The following PTPRQ variants were observed in gnomAD, a reference collection of about 807,000 sequenced individuals.
PTPRQ encodes the protein phosphatidylinositol phosphatase PTPRQ.
PTPRQ carries 199 observed loss-of-function variants against 246.0 expected under a neutral mutation model. That is an observed-to-expected ratio of 0.81 (90% CI 0.72 to 0.91). PTPRQ has a LOEUF of 0.91. Among genes scored for constraint, PTPRQ ranks in the 40% least tolerant of loss-of-function variants. The probability of loss-of-function intolerance (pLI) is 0.00; values close to 1 mark genes in which losing one functional copy is unlikely to be tolerated. For missense variants in PTPRQ, 2,624 were observed against 2,528.4 expected, an observed-to-expected ratio of 1.04 and a Z score of -0.81; for synonymous variants, 869 against 853.2, an observed-to-expected ratio of 1.02 and a Z score of -0.32.
At chr12:80,630,471 C>T (rs1300859032) in intron 33 of PTPRQ, among the ~76,000 whole-genome samples, 1 of 152,104 alleles carries the variant, frequency 6.6e-6, no homozygotes, top group African/African-American at 2.4e-5. Flanking sequence ...TACCTTCCAT[C>T]AGGAAGTGTA....
intron 17 of PTPRQ, among the ~76,000 whole-genome samples, chr12:80,522,576 C>T (rs1198959856): frequency 2.6e-5 from 4 of 151,996 alleles, no homozygotes; most frequent in Non-Finnish European, 5.9e-5. Context: ...ACGTGAAGGG[C>T]TGTTGAATTT....
chr12:80,452,197 G>T (rs569874525), intron 3 of PTPRQ, among the ~76,000 whole-genome samples: 4,964 of 142,894 alleles, frequency 0.035, 305 homozygotes, highest in African/African-American at 0.13. Context: ...CCCTGCCTTT[G>T]TTTGTTTTCC....
Position 80,500,951 on chromosome 12 carries a change from G to A in PTPRQ, c.2272+4420G>A, listed in dbSNP as rs146786585. 6.8e-4 allele frequency among the ~76,000 whole-genome samples: 104 copies of A among 152,066 alleles called. No homozygotes were observed. In the East Asian group the frequency reaches 0.016, roughly 23 times the overall value. Reference sequence around the variant, plus strand: ...GAGTAGTGAGTGGGCTATTTGAGATGGAGGACTGAGGAAAGACCTCACTGA... The same window carrying A: ...GAGTAGTGAGTGGGCTATTTGAGATAGAGGACTGAGGAAAGACCTCACTGA... On this transcript the variant is annotated intron_variant, in intron 14 of 44. Transcript: ENST00000644991.
intron 8 of PTPRQ, 37 bp downstream of exon 8, chr12:80,472,288 T>C: frequency 1.9e-6 from 3 of 1,548,950 alleles, no homozygotes; most frequent in Non-Finnish European, 2.6e-6. Flanking sequence ...ATTTTTGGTA[T>C]GCTTATGAAC....
chr12:80,475,862 C>A (rs1893793946), intron 8 of PTPRQ, among the ~76,000 whole-genome samples: 1 of 151,926 alleles, frequency 6.6e-6, no homozygotes, highest in Non-Finnish European at 1.5e-5. Context: ...ATAGTGTCTG[C>A]TACTACTCTT....
rs188612471 is a variant in PTPRQ, at chr12:80,559,277, T to G, written c.4285+9543T>G. On this transcript the variant is annotated intron_variant, in intron 25 of 44. Coordinates refer to ENST00000644991, the MANE Select transcript of PTPRQ (RefSeq NM_001145026.2). ...CCCAGGATGGTCTCAATCTCCTGATTTCGTGATCCGCCCACCTCGGCCTCC... is the reference window on the plus strand; with the variant it reads ...CCCAGGATGGTCTCAATCTCCTGATGTCGTGATCCGCCCACCTCGGCCTCC... Among the ~76,000 whole-genome samples the G allele has an allele frequency of 5.3e-4, 81 of 152,134 alleles. 1 individual carries two copies. The highest frequency in any genetic ancestry group is 9.8e-4 in the Admixed American group (15 of 15,280).
chr12:80,457,676 T>G, intron 4 of PTPRQ, 32 bp downstream of exon 4: 1 of 400,028 alleles, frequency 2.5e-6, no homozygotes, highest in East Asian at 3.6e-5. Context: ...TTAAATTGAC[T>G]TAGTCATGAG....
chr12:80,552,208 A>G (rs919494451), intron 25 of PTPRQ, among the ~76,000 whole-genome samples: 2 of 152,018 alleles, frequency 1.3e-5, no homozygotes, highest in African/African-American at 2.4e-5. Context: ...AAGGTCCATC[A>G]AGGGGTGACA....
At chr12:80,526,667 G>A (rs952786634) in intron 17 of PTPRQ, among the ~76,000 whole-genome samples, 5 of 152,100 alleles carry the variant, frequency 3.3e-5, no homozygotes, top group African/African-American at 1.2e-4. Context: ...GGGAGAGCCA[G>A]GAGTAACAAT....
chr12:80,470,590 A>G (rs1311817429), intron 7 of PTPRQ, among the ~76,000 whole-genome samples: 3 of 152,192 alleles, frequency 2.0e-5, no homozygotes, highest in African/African-American at 7.2e-5. Context: ...AAGTGACATC[A>G]ATTAATGGCT....
intron 42 of PTPRQ, among the ~76,000 whole-genome samples, chr12:80,671,705 G>T (rs1225085224): frequency 2.0e-5 from 3 of 152,018 alleles, no homozygotes; most frequent in Non-Finnish European, 4.4e-5. Context: ...GAAATTTGAT[G>T]TGTACAAAAC....
Position 80,496,019 on chromosome 12 carries a change from T to C in PTPRQ, c.1903T>C (p.Tyr635His). 6.5e-7 allele frequency: 1 copy of C among 1,549,936 alleles called. No homozygotes were observed. The highest frequency in any genetic ancestry group is 8.7e-7 in the Non-Finnish European group (1 of 1,146,088). ...LITGLKKYTK[Y>H]KMRVAASTHV... Reference sequence around the variant, plus strand: ...TATAGGGTTAAAGAAATACACAAAATACAAAATGAGAGTGGCAGCCTCAAC... The same window carrying C: ...TATAGGGTTAAAGAAATACACAAAACACAAAATGAGAGTGGCAGCCTCAAC... The change falls in exon 13 of 45, where the codon TAC becomes CAC. Residue 635 changes from tyrosine to histidine, a missense_variant. Physicochemically the swap from Tyr to His is moderately conservative, Grantham distance 83. Transcript: ENST00000644991.
intron 17 of PTPRQ, among the ~76,000 whole-genome samples, chr12:80,512,148 G>A (rs1895143847): frequency 6.6e-6 from 1 of 152,186 alleles, no homozygotes; most frequent in South Asian, 2.1e-4. Context: ...TGAATCAAGT[G>A]TGGTTACTAC....
At chr12:80,447,245 T>A (rs1892582734) in intron 3 of PTPRQ, among the ~76,000 whole-genome samples, 1 of 152,046 alleles carries the variant, frequency 6.6e-6, no homozygotes, top group Admixed American at 6.6e-5. Context: ...CACTTTTTAA[T>A]GGGGTTTTTC....
chr12:80,495,401 G>GTTT (rs1894586206), intron 12 of PTPRQ, 30 bp downstream of exon 12: 1 of 1,490,522 alleles, frequency 6.7e-7, no homozygotes, highest in Non-Finnish European at 8.9e-7. Context: ...TGTTGTTGTT[G>GTTT]TTGTTCATTT....
At chr12:80,583,542 T>C (rs1897514133) in intron 25 of PTPRQ, 2 of 152,168 alleles carry the variant, frequency 1.3e-5, no homozygotes, top group Non-Finnish European at 2.9e-5. Context: ...TGAAAATGAA[T>C]TTTAAAATAA....
chr12:80,619,458 A>G lies in PTPRQ; in HGVS notation c.5305A>G (p.Ile1769Val). 6.5e-7 allele frequency: 1 copy of G among 1,548,366 alleles called. No homozygotes were observed. The highest frequency in any genetic ancestry group is 8.7e-7 in the Non-Finnish European group (1 of 1,144,852). The part of the protein sequence containing the change: ...TGKLLVTSTT[I>V]TIRMPICYYS... ...AAAACTGCTTGTGACTTCAACAACA[A>G]TTACAATCAGAATGCCAATATGTTA... The change falls in exon 31 of 45, where the codon ATT becomes GTT. Residue 1769 changes from isoleucine (I) to valine (V), a missense_variant. Physicochemically the swap from Ile to Val is conservative, Grantham distance 29. Transcript: ENST00000644991.
chr12:80,593,290 G>C (rs1020847496), intron 26 of PTPRQ, among the ~76,000 whole-genome samples: 1 of 151,912 alleles, frequency 6.6e-6, no homozygotes, highest in Non-Finnish European at 1.5e-5. Flanking sequence ...AGACCACCTA[G>C]TTTTAATAAT....
chr12:80,565,002 A>G (rs1371568071), intron 25 of PTPRQ, among the ~76,000 whole-genome samples: 1 of 152,194 alleles, frequency 6.6e-6, no homozygotes, highest in Non-Finnish European at 1.5e-5. Context: ...AAAAAACTAA[A>G]TTTCTATGAT....
Sources: allele counts gnomAD v4.1 joint callset (sites outside exome capture counted in the v4.1 genomes callset), GRCh38; gene constraint gnomAD v4.1.1; transcripts MANE v1.5; gene names NCBI Gene and HGNC (gene_info 2026-07-23, HGNC 2026-07-21).